CATSPER3: variants seen among roughly 807,000 people sequenced by gnomAD.
CATSPER3 encodes cation channel sperm-associated protein 3.
CATSPER3 carries 23 observed loss-of-function variants against 36.6 expected under a neutral mutation model. That is an observed-to-expected ratio of 0.63 (90% CI 0.45 to 0.89). The LOEUF (loss-of-function observed/expected upper bound fraction) is 0.89, where lower values mean the gene tolerates loss of function less well. Ranked by LOEUF, CATSPER3 falls within the 40% of genes least tolerant of loss-of-function variation. CATSPER3 has a pLI of 0.00. For missense variants in CATSPER3, 474 were observed against 503.9 expected, an observed-to-expected ratio of 0.94 and a Z score of 0.57; for synonymous variants, 172 against 184.1, an observed-to-expected ratio of 0.93 and a Z score of 0.53.
At chr5:134,982,667 A>G (rs547653680) in intron 2 of CATSPER3, among the ~76,000 whole-genome samples, 2 of 152,356 alleles carry the variant, frequency 1.3e-5, no homozygotes, top group African/African-American at 4.8e-5. Flanking sequence ...GTTTGTTGCT[A>G]GTAAACCTGC....
At chr5:135,005,908 A>G (rs916459590) in intron 3 of CATSPER3, among the ~76,000 whole-genome samples, 4 of 152,198 alleles carry the variant, frequency 2.6e-5, no homozygotes, top group African/African-American at 9.7e-5. Context: ...GGGTCCCTCC[A>G]AGCACTGGGC....
At chr5:134,973,476 A>G (rs983835622) in intron 2 of CATSPER3, among the ~76,000 whole-genome samples, 1 of 151,672 alleles carries the variant, frequency 6.6e-6, no homozygotes, top group East Asian at 1.9e-4. Flanking sequence ...CTGTGTTCTT[A>G]AGAACCAGGA....
At chr5:134,984,642 G>A (rs1322009861) in intron 2 of CATSPER3, among the ~76,000 whole-genome samples, 1 of 152,168 alleles carries the variant, frequency 6.6e-6, no homozygotes, top group African/African-American at 2.4e-5. Flanking sequence ...TGTGGTTGTG[G>A]TGAAAAGGAA....
Position 135,008,013 on chromosome 5 carries a change from G to A in CATSPER3, c.549G>A (p.Leu183=), listed in dbSNP as rs1409695979. ...ACACCGTGGCCTCTGTGCTCCTCCT[G>A]CTCTTCCTCCTCATGTACATCTTCG... ...TVYTVASVLL[L]LFLLMYIFAI... is the part of the protein sequence containing the mutation. The change falls in exon 4 of 8, where the codon CTG becomes CTA. Residue 183 remains leucine (L), a synonymous_variant. Transcript: ENST00000282611. 1 of 1,614,148 alleles carries A rather than the reference G, an allele frequency of 6.2e-7. No individual in the cohort carries two copies. Among genetic ancestry groups the A allele is most frequent in the Admixed American group, 1.7e-5 (1 of 60,026 alleles).
chr5:135,003,897 T>C (rs1288029927), intron 3 of CATSPER3, among the ~76,000 whole-genome samples: 1 of 152,208 alleles, frequency 6.6e-6, no homozygotes, highest in African/African-American at 2.4e-5. Context: ...TTCCTTGTGC[T>C]TCCTGGGTGA....
chr5:134,980,404 C>G (rs1207225549), intron 2 of CATSPER3, among the ~76,000 whole-genome samples: 2 of 146,038 alleles, frequency 1.4e-5, no homozygotes, highest in East Asian at 4.2e-4. Flanking sequence ...TTCCCTCCTT[C>G]CTTTCCTCCT....
At chr5:135,008,787 G>A in intron 4 of CATSPER3, 54 bp from the exon 5 acceptor site, 1 of 1,541,264 alleles carries the variant, frequency 6.5e-7, no homozygotes, top group Admixed American at 1.7e-5. Flanking sequence ...AGGTGAAAAG[G>A]AGGCCTGTGC....
intron 3 of CATSPER3, among the ~76,000 whole-genome samples, chr5:135,006,758 A>G (rs1752092342): frequency 6.6e-6 from 1 of 151,114 alleles, no homozygotes; most frequent in Admixed American, 6.6e-5. Context: ...GAATGGCATG[A>G]ACCCGGGAGG....
intron 2 of CATSPER3, among the ~76,000 whole-genome samples, chr5:134,992,307 G>A (rs887233524): frequency 2.9e-4 from 44 of 152,172 alleles, no homozygotes; most frequent in African/African-American, 8.9e-4. Flanking sequence ...CTCCAAAGTA[G>A]ATATTACAAA....
chr5:134,991,233 T>A (rs1751874908), intron 2 of CATSPER3, among the ~76,000 whole-genome samples: 1 of 152,222 alleles, frequency 6.6e-6, no homozygotes, highest in East Asian at 1.9e-4. Flanking sequence ...ACAGATACAA[T>A]GCAATTTTTG....
chr5:135,010,900 G>C (rs1365198112), intron 7 of CATSPER3, among the ~76,000 whole-genome samples: 1 of 152,200 alleles, frequency 6.6e-6, no homozygotes, highest in Admixed American at 6.5e-5. Flanking sequence ...GTGTGGCCTT[G>C]GGCAATTCTC....
intron 2 of CATSPER3, among the ~76,000 whole-genome samples, chr5:134,990,077 T>C (rs1561460979): frequency 6.6e-6 from 1 of 152,114 alleles, no homozygotes; most frequent in Non-Finnish European, 1.5e-5. Context: ...TTTGCTGTAT[T>C]ATATGGATCC....
At chr5:135,008,758 C>A in intron 4 of CATSPER3, 83 bp from the exon 5 acceptor site, 2 of 1,244,066 alleles carry the variant, frequency 1.6e-6, no homozygotes, top group Non-Finnish European at 1.2e-6. Flanking sequence ...CCTCAGTGGG[C>A]CTGGGACTCC....
chr5:135,010,492 C>T lies in CATSPER3; in HGVS notation c.1056C>T (p.Tyr352=), dbSNP rs17167765. The T allele has an allele frequency of 0.011, 17,842 of 1,614,070 alleles. 1,299 individuals carry two copies. The African/African-American group carries it at 0.18, about 17-fold the overall frequency. Residue 352 remains tyrosine, a synonymous_variant, in exon 7 of 8, where the codon TAC becomes TAT. Transcript: ENST00000282611. ...FGTSLPFIDI[Y]FSTLDYQDTT... ...CTAGCTTACCCTTCATCGATATCTA[C>T]TTTTCCACTCTGGACTACCAGGACA...
intron 2 of CATSPER3, among the ~76,000 whole-genome samples, chr5:134,978,877 G>A (rs569243039): frequency 1.3e-5 from 2 of 151,958 alleles, no homozygotes; most frequent in African/African-American, 4.8e-5. Context: ...ACGGTGCCAT[G>A]CCCGGCTAAT....
intron 2 of CATSPER3, among the ~76,000 whole-genome samples, chr5:134,995,118 T>C (rs1351770339): frequency 6.6e-6 from 1 of 152,200 alleles, no homozygotes; most frequent in Non-Finnish European, 1.5e-5. Flanking sequence ...TTGCCTTAAA[T>C]ATTTATCTTT....
chr5:134,980,927 C>G (rs974700754), intron 2 of CATSPER3, among the ~76,000 whole-genome samples: 2 of 152,096 alleles, frequency 1.3e-5, no homozygotes, highest in South Asian at 4.2e-4. Context: ...CAGTATCTCA[C>G]TATGTTGCTC....
At chr5:134,993,132 C>A (rs1751898648) in intron 2 of CATSPER3, among the ~76,000 whole-genome samples, 1 of 152,134 alleles carries the variant, frequency 6.6e-6, no homozygotes, top group Admixed American at 6.5e-5. Flanking sequence ...AAATAGAATT[C>A]TGCATTCTAT....
intron 2 of CATSPER3, among the ~76,000 whole-genome samples, chr5:134,970,439 G>A (rs534611349): frequency 7.9e-5 from 12 of 152,164 alleles, no homozygotes; most frequent in Admixed American, 7.2e-4. Context: ...GATTACAGGC[G>A]TTAGCCACCA....
Sources: gnomAD v4.1 joint callset for allele counts (sites outside exome capture counted in the v4.1 genomes callset) on GRCh38, gnomAD v4.1.1 for gene constraint, MANE v1.5 for transcripts, NCBI Gene and HGNC (gene_info 2026-07-23, HGNC 2026-07-21) for gene names.